Variants in TAX1BP1 observed in about 807,000 individuals in gnomAD.
TAX1BP1 encodes tax1-binding protein 1.
In TAX1BP1, 62 loss-of-function variants were observed where a neutral mutation model predicts 97.7. The observed-to-expected ratio is 0.63, with a 90% CI of 0.52 to 0.78. TAX1BP1 has a LOEUF of 0.78. Among genes scored for constraint, TAX1BP1 ranks in the 30% least tolerant of loss-of-function variants. The probability of loss-of-function intolerance (pLI) is 0.00; values close to 1 mark genes in which losing one functional copy is unlikely to be tolerated. For synonymous variants in TAX1BP1, 340 were observed against 304.2 expected (o/e 1.12, Z -1.23); for missense variants, 867 against 916.1 (o/e 0.95, Z 0.69).
chr7:27,800,224 A>G, intron 13 of TAX1BP1, 134 bp downstream of exon 13: 4 of 866,792 alleles, frequency 4.6e-6, no homozygotes, highest in Non-Finnish European at 3.3e-6. Flanking sequence ...AAAATGTACT[A>G]TATATTTAGT....
intron 16 of TAX1BP1, 149 bp downstream of exon 16, chr7:27,827,969 T>C (rs2128328030): frequency 1.7e-6 from 1 of 585,136 alleles, no homozygotes; most frequent in South Asian, 2.7e-5. Context: ...AATATGTGTT[T>C]TAACATGTCC....
chr7:27,769,916 G>T (rs1215850385), intron 5 of TAX1BP1, 82 bp downstream of exon 5: 2 of 1,389,854 alleles, frequency 1.4e-6, no homozygotes, highest in African/African-American at 1.5e-5. Flanking sequence ...AACCAATTAA[G>T]TAAGTGAAAA....
chr7:27,774,533 C>T (rs111641089), intron 5 of TAX1BP1, among the ~76,000 whole-genome samples: 1 of 151,978 alleles, frequency 6.6e-6, no homozygotes, highest in African/African-American at 2.4e-5. Context: ...AGTTTTGGGG[C>T]TTGTGGCATT....
chr7:27,792,029 G>A lies in TAX1BP1; in HGVS notation c.1062G>A (p.Glu354=), dbSNP rs888024659. ...AGGAAGATACTTGTTTTTTAAAGGA[G>A]CAACTTCGTAAAGCAGAGGAACAGG... ...SSKEDTCFLK[E]QLRKAEEQVQ... Residue 354 remains glutamate (E), a synonymous_variant, in exon 9 of 17, where the codon GAG becomes GAA. Coordinates refer to ENST00000396319, the MANE Select transcript of TAX1BP1 (RefSeq NM_006024.7). 1.2e-6 allele frequency: 2 copies of A among 1,613,946 alleles called. No individual in the cohort carries two copies. Among genetic ancestry groups the A allele is most frequent in the East Asian group, 4.5e-5 (2 of 44,880 alleles).
intron 15 of TAX1BP1, among the ~76,000 whole-genome samples, chr7:27,824,013 A>G (rs1315728381): frequency 6.6e-6 from 1 of 152,164 alleles, no homozygotes; most frequent in Non-Finnish European, 1.5e-5. Flanking sequence ...ATCCGTGCAT[A>G]TATCAATAGA....
At position 27,778,598 on chromosome 7, in the gene TAX1BP1, C is replaced by G. The variant is rs916772722; in HGVS notation, c.613-6565C>G. 2.2e-4 allele frequency among the ~76,000 whole-genome samples: 33 copies of G among 152,130 alleles called. 1 individual carries two copies. The highest frequency in any genetic ancestry group is 7.2e-4 in the African/African-American group (30 of 41,438). ...TTATACAATTGGCCAGGTGCGGTGG[C>G]TCACGCCTGTAATCCCAGCACTTTG... is the stretch of plus-strand genomic sequence containing the variant. On this transcript the variant is annotated intron_variant, in intron 5 of 16. Transcript: ENST00000396319.
chr7:27,776,243 C>T (rs549794920), intron 5 of TAX1BP1, among the ~76,000 whole-genome samples: 10 of 152,142 alleles, frequency 6.6e-5, no homozygotes, highest in African/African-American at 2.4e-4. Context: ...TATAAAGAAC[C>T]AACCTGGTAA....
intron 3 of TAX1BP1, among the ~76,000 whole-genome samples, chr7:27,764,701 C>T (rs573533488): frequency 1.1e-4 from 16 of 152,068 alleles, no homozygotes; most frequent in African/African-American, 2.2e-4. Context: ...ATCTTGCCTA[C>T]GATTATTGTG....
At position 27,760,479 on chromosome 7, in the gene TAX1BP1, G is replaced by A. The variant is rs530095625; in HGVS notation, c.265+2346G>A. The stretch of plus-strand genomic sequence containing the variant: ...GCGATCTCGGCTCATTGCAAGCTCC[G>A]CCTCCTTAGTTTTCGCCATTCTCCT... On this transcript the variant is annotated intron_variant, in intron 3 of 16. Transcript: ENST00000396319. Among the ~76,000 whole-genome samples, 88 of 149,488 alleles carry A rather than the reference G, an allele frequency of 5.9e-4. No individual in the cohort carries two copies. In the South Asian group the frequency reaches 6.2e-3, roughly 10 times the overall value.
intron 13 of TAX1BP1, among the ~76,000 whole-genome samples, chr7:27,815,852 G>A (rs1790746629): frequency 6.6e-6 from 1 of 152,144 alleles, no homozygotes; most frequent in East Asian, 1.9e-4. Context: ...TGACCAACAT[G>A]GTGAAACCCT....
At chr7:27,780,674 A>T (rs1307571532) in intron 5 of TAX1BP1, among the ~76,000 whole-genome samples, 1 of 152,206 alleles carries the variant, frequency 6.6e-6, no homozygotes, top group Non-Finnish European at 1.5e-5. Context: ...AATTGTCATC[A>T]AGAAAAGATA....
intron 5 of TAX1BP1, among the ~76,000 whole-genome samples, chr7:27,784,529 G>GACT (rs1789393194): frequency 6.6e-6 from 1 of 152,176 alleles, no homozygotes; most frequent in African/African-American, 2.4e-5. Context: ...GGCAGTTAGT[G>GACT]ACCTGTGCTA....
intron 5 of TAX1BP1, among the ~76,000 whole-genome samples, chr7:27,775,701 T>C (rs1421998959): frequency 6.6e-6 from 1 of 152,158 alleles, no homozygotes; most frequent in Non-Finnish European, 1.5e-5. Flanking sequence ...GCAATTGCCC[T>C]ACCTTCTGTG....
intron 3 of TAX1BP1, among the ~76,000 whole-genome samples, chr7:27,760,057 T>A (rs964667493): frequency 6.6e-6 from 1 of 152,094 alleles, no homozygotes; most frequent in East Asian, 1.9e-4. Flanking sequence ...TTTTGCCATG[T>A]TGGCCAGGCT....
In TAX1BP1 at chr7:27,746,387, C is replaced by CT. The variant is rs60097721; in HGVS notation, c.-7-2121dup. On this transcript the variant is annotated intron_variant, in intron 1 of 16. Transcript: ENST00000396319. ...AACCAGTAGTGAGTTTTTTTTTTTTCTTTTTTTTTTAAAGAACTGGAATTG... is the reference window on the plus strand; with the variant it reads ...AACCAGTAGTGAGTTTTTTTTTTTTCTTTTTTTTTTTAAAGAACTGGAATTG... Among the ~76,000 whole-genome samples the CT allele has an allele frequency of 4.4e-3, 526 of 119,476 alleles. 3 individuals carry two copies. The highest frequency in any genetic ancestry group is 0.026 in the Middle Eastern group (5 of 192). The allele number at this position is 119,476 out of a possible 152,430, so 78.4% of individuals were successfully genotyped here.
intron 13 of TAX1BP1, among the ~76,000 whole-genome samples, chr7:27,815,894 TGTG>T (rs1368859942): frequency 1.3e-5 from 2 of 151,906 alleles, no homozygotes; most frequent in Non-Finnish European, 2.9e-5. Flanking sequence ...ATTAGCCAGG[TGTG>T]GTGGTGCGCA....
At chr7:27,783,482 A>G (rs1033410712) in intron 5 of TAX1BP1, among the ~76,000 whole-genome samples, 2 of 152,322 alleles carry the variant, frequency 1.3e-5, no homozygotes, top group African/African-American at 2.4e-5. Flanking sequence ...GGAAGCTATC[A>G]GGTGCCTTTA....
At chr7:27,818,098 A>T (rs1235542424) in intron 15 of TAX1BP1, among the ~76,000 whole-genome samples, 1 of 152,166 alleles carries the variant, frequency 6.6e-6, no homozygotes, top group Non-Finnish European at 1.5e-5. Context: ...CATTTTGCGT[A>T]TTTAATCTGA....
chr7:27,816,433 T>C lies in TAX1BP1; in HGVS notation c.1849T>C (p.Ser617Pro), dbSNP rs1159633108. The C allele has an allele frequency of 5.1e-6, 8 of 1,575,538 alleles. No homozygotes were observed. Among genetic ancestry groups the C allele is most frequent in the Non-Finnish European group, 6.0e-6 (7 of 1,168,854 alleles). Residue 617 changes from serine to proline, a missense_variant, in exon 14 of 17, where the codon TCA becomes CCA. Physicochemically the swap from Ser to Pro is moderately conservative, Grantham distance 74. Around this residue, in one of 3 missense-constraint regions of TAX1BP1, gnomAD observed 822 missense variants for 851.4 expected, o/e 0.97. Coordinates refer to ENST00000396319, the MANE Select transcript of TAX1BP1 (RefSeq NM_006024.7). ...SQSPQCFKTC[S>P]EQNGYVLTLS... ...GAGTCCTCAATGTTTCAAAACATGCTCAGAGCAAAATGGTTATGTTCTCAC... is the reference window on the plus strand; with the variant it reads ...GAGTCCTCAATGTTTCAAAACATGCCCAGAGCAAAATGGTTATGTTCTCAC...
Sources: allele counts gnomAD v4.1 joint callset (sites outside exome capture counted in the v4.1 genomes callset), GRCh38; gene constraint gnomAD v4.1.1; regional missense constraint gnomAD v4.1.1; transcripts MANE v1.5; gene names NCBI Gene and HGNC (gene_info 2026-07-23, HGNC 2026-07-21).